The following TNIK variants were observed in gnomAD, a reference collection of about 807,000 sequenced individuals.
TNIK encodes the protein TRAF2 and NCK-interacting protein kinase.
A neutral mutation model predicts 191.3 loss-of-function variants in TNIK; 49 were observed. The observed-to-expected ratio is 0.26, with a 90% confidence interval of 0.20 to 0.32. The LOEUF (loss-of-function observed/expected upper bound fraction) is 0.32. Ranked by LOEUF, TNIK falls within the 10% of genes least tolerant of loss-of-function variation. The probability of loss-of-function intolerance (pLI) is 1.00; values close to 1 mark genes in which losing one functional copy is unlikely to be tolerated. For missense variants in TNIK, 1,155 were observed against 1,702.3 expected, an observed-to-expected ratio of 0.68 and a Z score of 5.66; for synonymous variants, 594 against 600.9, an observed-to-expected ratio of 0.99 and a Z score of 0.17.
At chr3:171,144,918 G>C (rs186924311) in intron 12 of TNIK, among the ~76,000 whole-genome samples, 1 of 152,066 alleles carries the variant, frequency 6.6e-6, no homozygotes, top group Non-Finnish European at 1.5e-5. Flanking sequence ...GTTCATCTAC[G>C]TTGCTGCAAA....
At chr3:171,209,937 G>A (rs535796270) in intron 4 of TNIK, among the ~76,000 whole-genome samples, 1 of 152,246 alleles carries the variant, frequency 6.6e-6, no homozygotes, top group Admixed American at 6.5e-5. Context: ...TCTGCCCGAG[G>A]CTGAGTACTT....
At chr3:171,362,503 A>C (rs1458116649) in intron 2 of TNIK, among the ~76,000 whole-genome samples, 1 of 152,220 alleles carries the variant, frequency 6.6e-6, no homozygotes, top group Non-Finnish European at 1.5e-5. Flanking sequence ...GAGCACAAAG[A>C]CATGTGTTTC....
At chr3:171,377,134 T>C (rs946679648) in intron 1 of TNIK, among the ~76,000 whole-genome samples, 2 of 152,210 alleles carry the variant, frequency 1.3e-5, no homozygotes, top group Non-Finnish European at 2.9e-5. Flanking sequence ...ACTGCTCCGA[T>C]AGAGCTGTTC....
rs1717909268 is a variant in TNIK at position 171,062,336 on chromosome 3, C to T, written c.*1545G>A. The T allele has an allele frequency of 6.6e-6, 1 of 152,108 alleles. No individual in the cohort carries two copies. Among genetic ancestry groups the T allele is most frequent in the African/African-American group, 2.4e-5 (1 of 41,414 alleles). The allele number at this position is 152,108 out of a possible 1,614,324, so 9.4% of individuals were successfully genotyped here. A position where few individuals can be genotyped will look rare whatever the true frequency, so the allele number is the denominator to read the frequency against. ...TGCACCTGAGATTGCCGGTTGAGCTCTCTATATGTCTCCTGGAGATAACAC... is the reference window on the plus strand; with the variant it reads ...TGCACCTGAGATTGCCGGTTGAGCTTTCTATATGTCTCCTGGAGATAACAC... On this transcript the variant is annotated 3_prime_UTR_variant, in exon 33 of 33. Transcript: ENST00000436636.
chr3:171,138,040 A>T, intron 15 of TNIK, 151 bp downstream of exon 15: 1 of 602,978 alleles, frequency 1.7e-6, no homozygotes, highest in Non-Finnish European at 2.4e-6. Flanking sequence ...CTACAGAAAT[A>T]ATGTTATAGT....
chr3:171,180,869 T>C (rs1313753908), intron 7 of TNIK, among the ~76,000 whole-genome samples: 1 of 152,230 alleles, frequency 6.6e-6, no homozygotes, highest in Non-Finnish European at 1.5e-5. Flanking sequence ...TACTTCAGAT[T>C]CCTACTTTGT....
At chr3:171,347,495 C>T (rs1159977378) in intron 2 of TNIK, among the ~76,000 whole-genome samples, 2 of 152,104 alleles carry the variant, frequency 1.3e-5, no homozygotes. Context: ...TCTATTTCAA[C>T]TCCACTATCA....
chr3:171,205,068 T>C (rs913250682), intron 4 of TNIK, among the ~76,000 whole-genome samples: 8 of 152,216 alleles, frequency 5.3e-5, no homozygotes, highest in South Asian at 4.1e-4. Context: ...AAGCAGGTGA[T>C]AAATATTTCC....
At chr3:171,421,114 T>C (rs1053583214) in intron 1 of TNIK, among the ~76,000 whole-genome samples, 3 of 152,214 alleles carry the variant, frequency 2.0e-5, no homozygotes, top group East Asian at 3.8e-4. Flanking sequence ...AAGACCAGGT[T>C]AGACAGTAAA....
intron 3 of TNIK, among the ~76,000 whole-genome samples, chr3:171,212,918 A>T (rs1332716037): frequency 1.0e-4 from 1 of 9,872 alleles, no homozygotes; most frequent in Non-Finnish European, 1.7e-4. Context: ...TAGGAGAAGT[A>T]AAAGCATGTT....
intron 12 of TNIK, among the ~76,000 whole-genome samples, chr3:171,144,968 TTGTA>T (rs1731336462): frequency 6.6e-6 from 1 of 152,240 alleles, no homozygotes; most frequent in Non-Finnish European, 1.5e-5. Flanking sequence ...TAGTACTTCA[TTGTA>T]TGTAAGTACC....
intron 2 of TNIK, among the ~76,000 whole-genome samples, chr3:171,241,157 A>T (rs1017931010): frequency 6.6e-6 from 1 of 151,720 alleles, no homozygotes; most frequent in Non-Finnish European, 1.5e-5. Context: ...CAGCCTCCCG[A>T]GTAGCTGGGA....
intron 19 of TNIK, among the ~76,000 whole-genome samples, chr3:171,110,369 T>C (rs926815636): frequency 1.3e-5 from 2 of 152,204 alleles, no homozygotes; most frequent in Non-Finnish European, 2.9e-5. Flanking sequence ...GTTCAGGACA[T>C]TTGTGGGTAC....
chr3:171,411,188 C>T (rs1187016689), intron 1 of TNIK, among the ~76,000 whole-genome samples: 9 of 152,076 alleles, frequency 5.9e-5, no homozygotes, highest in African/African-American at 2.2e-4. Flanking sequence ...CCACCTTAGC[C>T]TCTCAAGGAG....
chr3:171,240,091 G>C (rs1744768518), intron 2 of TNIK, among the ~76,000 whole-genome samples: 1 of 152,148 alleles, frequency 6.6e-6, no homozygotes, highest in South Asian at 2.1e-4. Context: ...TGACCTATCA[G>C]GTAGCTTCGT....
intron 8 of TNIK, among the ~76,000 whole-genome samples, chr3:171,176,025 T>A (rs1163146870): frequency 6.6e-6 from 1 of 152,230 alleles, no homozygotes; most frequent in African/African-American, 2.4e-5. Flanking sequence ...AAAGCACTCA[T>A]ATGTTCTTAT....
At chr3:171,181,740 C>T (rs1343068543) in intron 7 of TNIK, among the ~76,000 whole-genome samples, 1 of 152,198 alleles carries the variant, frequency 6.6e-6, no homozygotes, top group Non-Finnish European at 1.5e-5. Context: ...GATGCCAGCA[C>T]AGAAAGCTAG....
chr3:171,346,874 C>G (rs1196019785), intron 2 of TNIK: 1 of 303,914 alleles, frequency 3.3e-6, no homozygotes. Flanking sequence ...GCCTTGTAGG[C>G]TAAGTTTACT....
intron 1 of TNIK, among the ~76,000 whole-genome samples, chr3:171,447,403 T>A (rs139943796): frequency 1.4e-4 from 22 of 152,186 alleles, no homozygotes; most frequent in African/African-American, 4.6e-4. Flanking sequence ...AAAACACCAC[T>A]ATGCTCATGA....
Sources: gnomAD v4.1 joint callset for allele counts (sites outside exome capture counted in the v4.1 genomes callset) on GRCh38, gnomAD v4.1.1 for gene constraint, MANE v1.5 for transcripts, NCBI Gene and HGNC (gene_info 2026-07-23, HGNC 2026-07-21) for gene names.